CCSER1: variants seen among roughly 807,000 people sequenced by gnomAD.
The protein encoded by CCSER1 is serine-rich coiled-coil domain-containing protein 1.
CCSER1 carries 41 observed loss-of-function variants against 82.0 expected under a neutral mutation model. The observed-to-expected ratio is 0.50, with a 90% CI of 0.39 to 0.65. The LOEUF (loss-of-function observed/expected upper bound fraction) is 0.65, where lower values mean the gene tolerates loss of function less well. Ranked by LOEUF, CCSER1 falls within the 30% of genes least tolerant of loss-of-function variation. The probability of loss-of-function intolerance (pLI) is 0.00; values close to 1 mark genes in which losing one functional copy is unlikely to be tolerated. For missense variants in CCSER1, 1,119 were observed against 1,064.2 expected (o/e 1.05, Z -0.72); for synonymous variants, 414 against 383.9 (o/e 1.08, Z -0.92).
At chr4:91,138,696 G>A (rs942889787) in intron 10 of CCSER1, among the ~76,000 whole-genome samples, 1 of 126,862 alleles carries the variant, frequency 7.9e-6, no homozygotes, top group Non-Finnish European at 1.6e-5. Context: ...ATCTGACAAA[G>A]GGCTAATATC....
At chr4:90,837,336 A>G (rs929272623) in intron 8 of CCSER1, among the ~76,000 whole-genome samples, 39 of 152,132 alleles carry the variant, frequency 2.6e-4, no homozygotes, top group African/African-American at 9.4e-4. Flanking sequence ...GAGTATTTGA[A>G]TTACCCATAA....
intron 1 of CCSER1, among the ~76,000 whole-genome samples, chr4:90,166,271 A>G (rs1219017258): frequency 6.6e-6 from 1 of 151,978 alleles, no homozygotes; most frequent in Non-Finnish European, 1.5e-5. Flanking sequence ...TGTTAGGTTA[A>G]AGGTTGTATA....
chr4:90,730,127 T>A (rs945099916), intron 7 of CCSER1, among the ~76,000 whole-genome samples: 2 of 152,138 alleles, frequency 1.3e-5, no homozygotes, highest in East Asian at 3.9e-4. Context: ...ATCAACATAG[T>A]GAGTAGTTTC....
intron 1 of CCSER1, among the ~76,000 whole-genome samples, chr4:90,217,098 A>G (rs968339566): frequency 6.6e-6 from 1 of 152,166 alleles, no homozygotes; most frequent in Non-Finnish European, 1.5e-5. Flanking sequence ...ATTGGTGTAT[A>G]GCAGTGCTAC....
intron 9 of CCSER1, among the ~76,000 whole-genome samples, chr4:91,022,756 G>A (rs528258170): frequency 1.2e-4 from 18 of 152,236 alleles, no homozygotes; most frequent in African/African-American, 3.6e-4. Context: ...TTCTCTGATG[G>A]CCAGTGATGA....
At chr4:91,565,001 A>AT (rs1221523636) in intron 10 of CCSER1, among the ~76,000 whole-genome samples, 1 of 146,286 alleles carries the variant, frequency 6.8e-6, no homozygotes, top group Non-Finnish European at 1.5e-5. Context: ...TGGGTTTTAA[A>AT]TTTAAGTCTT....
At chr4:90,829,305 T>TA (rs1222982456) in intron 8 of CCSER1, among the ~76,000 whole-genome samples, 9 of 152,112 alleles carry the variant, frequency 5.9e-5, no homozygotes, top group Non-Finnish European at 1.3e-4. Flanking sequence ...AAGCCTCTCT[T>TA]AAAAAACTGA....
At chr4:90,769,223 G>A (rs747035234) in intron 7 of CCSER1, among the ~76,000 whole-genome samples, 7 of 152,202 alleles carry the variant, frequency 4.6e-5, no homozygotes, top group Non-Finnish European at 1.0e-4. Flanking sequence ...ATTTTTGAAT[G>A]TGGCTTTTGT....
intron 3 of CCSER1, among the ~76,000 whole-genome samples, chr4:90,337,714 C>T (rs1740670851): frequency 6.6e-6 from 1 of 151,188 alleles, no homozygotes; most frequent in South Asian, 2.1e-4. Context: ...TTAATACTTA[C>T]CTAATTAATA....
At chr4:90,810,925 C>A (rs552743854) in intron 7 of CCSER1, among the ~76,000 whole-genome samples, 38 of 150,950 alleles carry the variant, frequency 2.5e-4, no homozygotes, top group African/African-American at 9.0e-4. Context: ...GCCCGCCTCC[C>A]GGGTTCACGC....
intron 8 of CCSER1, among the ~76,000 whole-genome samples, chr4:90,915,483 C>G (rs1198570246): frequency 6.6e-6 from 1 of 152,152 alleles, no homozygotes; most frequent in African/African-American, 2.4e-5. Flanking sequence ...GCTAACAACT[C>G]TCAATAAGTT....
chr4:91,449,246 G>A (rs568090692), intron 10 of CCSER1, among the ~76,000 whole-genome samples: 1 of 152,082 alleles, frequency 6.6e-6, no homozygotes, highest in South Asian at 2.1e-4. Flanking sequence ...AGCAGATGTG[G>A]TAATATTTTT....
At chr4:91,297,703 C>T (rs967479024) in intron 10 of CCSER1, among the ~76,000 whole-genome samples, 11 of 151,760 alleles carry the variant, frequency 7.2e-5, no homozygotes, top group African/African-American at 2.7e-4. Context: ...GGATAGAAAA[C>T]TTTTGATCAT....
intron 10 of CCSER1, among the ~76,000 whole-genome samples, chr4:91,545,690 A>AT (rs1401596499): frequency 1.3e-5 from 2 of 151,852 alleles, no homozygotes; most frequent in Admixed American, 6.6e-5. Context: ...TCTTTTGTTT[A>AT]TTTTTTTAGA....
intron 10 of CCSER1, among the ~76,000 whole-genome samples, chr4:91,275,557 G>T (rs1742365222): frequency 6.6e-6 from 1 of 151,912 alleles, no homozygotes; most frequent in Non-Finnish European, 1.5e-5. Context: ...TAGGTTCTTT[G>T]TATATTCTGC....
At position 91,054,695 on chromosome 4, in the gene CCSER1, A is replaced by G. The variant is rs550153125; in HGVS notation, c.2173-31255A>G. Among the ~76,000 whole-genome samples, 12 of 144,266 alleles carry G rather than the reference A, an allele frequency of 8.3e-5. No homozygotes were observed. In the South Asian group the frequency reaches 2.6e-3, roughly 32 times the overall value. The allele number at this position is 144,266 out of a possible 152,430, so 94.6% of individuals were successfully genotyped here. On this transcript the variant is annotated intron_variant, in intron 9 of 10. Coordinates refer to ENST00000509176, the MANE Select transcript of CCSER1 (RefSeq NM_001145065.2). Reference sequence around the variant, plus strand: ...ATGCTTGGGACAAGCAGTATCTCAGATTTGAGATTTTTTTTTGGGGCGGTG... The same window carrying G: ...ATGCTTGGGACAAGCAGTATCTCAGGTTTGAGATTTTTTTTTGGGGCGGTG...
chr4:90,849,493 A>G (rs1313773152), intron 8 of CCSER1, among the ~76,000 whole-genome samples: 1 of 152,114 alleles, frequency 6.6e-6, no homozygotes, highest in African/African-American at 2.4e-5. Context: ...AAGATGCAAT[A>G]GAAAAGAAAA....
chr4:91,174,345 T>A (rs2149010521), intron 10 of CCSER1, among the ~76,000 whole-genome samples: 1 of 152,254 alleles, frequency 6.6e-6, no homozygotes, highest in African/African-American at 2.4e-5. Flanking sequence ...AGTATGCTAT[T>A]CCTGATTTGT....
chr4:90,196,936 T>C (rs1337123795), intron 1 of CCSER1, among the ~76,000 whole-genome samples: 1 of 152,072 alleles, frequency 6.6e-6, no homozygotes, highest in Non-Finnish European at 1.5e-5. Context: ...TGTCCTAAAA[T>C]GCAACTGTGA....
Sources: gnomAD v4.1 joint callset for allele counts (sites outside exome capture counted in the v4.1 genomes callset) on GRCh38, gnomAD v4.1.1 for gene constraint, MANE v1.5 for transcripts, NCBI Gene and HGNC (gene_info 2026-07-23, HGNC 2026-07-21) for gene names.